The following COIL variants were observed in gnomAD, a reference collection of about 807,000 sequenced individuals.
COIL encodes the protein coilin p80.
Under a neutral mutation model 51.6 loss-of-function variants are expected in COIL, and 28 were observed. The observed-to-expected ratio is 0.54, with a 90% confidence interval of 0.40 to 0.74. COIL has a LOEUF of 0.74. COIL is among the 30% of genes least tolerant of loss of function. The probability of loss-of-function intolerance (pLI) is 0.00; values close to 1 mark genes in which losing one functional copy is unlikely to be tolerated. For synonymous variants in COIL, 233 were observed against 255.8 expected, an observed-to-expected ratio of 0.91 and a Z score of 0.85; for missense variants, 667 against 685.9, an observed-to-expected ratio of 0.97 and a Z score of 0.31.
chr17:56,943,540 A>G lies in COIL; in HGVS notation c.1559-1417T>C, dbSNP rs548539453. 4.6e-5 allele frequency among the ~76,000 whole-genome samples: 7 copies of G among 152,296 alleles called. 1 individual carries two copies. The South Asian group carries it at 8.3e-4, about 18-fold the overall frequency. ...GTGTTGTAAAATGTCATGCAGGTTTATAAGTGAGAGACAAGGAGGCACCAC... is the reference window on the plus strand; with the variant it reads ...GTGTTGTAAAATGTCATGCAGGTTTGTAAGTGAGAGACAAGGAGGCACCAC... On this transcript the variant is annotated intron_variant, in intron 5 of 6. Transcript: ENST00000240316.
intron 1 of COIL, chr17:56,952,326 A>G (rs1910388549): frequency 2.2e-6 from 1 of 458,522 alleles, no homozygotes; most frequent in Non-Finnish European, 4.2e-6. Context: ...CTGTACTGAC[A>G]ACCTCGGCTG....
At chr17:56,942,977 A>T (rs1910176343) in intron 5 of COIL, among the ~76,000 whole-genome samples, 1 of 152,240 alleles carries the variant, frequency 6.6e-6, no homozygotes, top group South Asian at 2.1e-4. Flanking sequence ...TAGGGAAATT[A>T]AAAAATAGTA....
intron 4 of COIL, among the ~76,000 whole-genome samples, chr17:56,948,329 C>A (rs929991689): frequency 1.3e-5 from 2 of 151,306 alleles, no homozygotes; most frequent in Non-Finnish European, 2.9e-5. Flanking sequence ...TTACTAGAGA[C>A]GGGGTTTCAC....
Position 56,950,059 on chromosome 17 carries a change from A to G in COIL, c.1183T>C (p.Trp395Arg), listed in dbSNP as rs147439821. 9 of 1,613,880 alleles carry G rather than the reference A, an allele frequency of 5.6e-6. No homozygotes were observed. The African/African-American group carries it at 1.2e-4, about 22-fold the overall frequency. Residue 395 changes from tryptophan (W) to arginine (R), a missense_variant, in exon 2 of 7, where the codon TGG (tryptophan) becomes CGG (arginine). By Grantham distance (101) the Trp-to-Arg change is moderately radical. Coordinates refer to ENST00000240316, the MANE Select transcript of COIL (RefSeq NM_004645.3). ...GAAAAAAGGTTCTCTTCTCTACCCC[A>G]TCCTCTTCCTAAACTAGCAGGGAGA... ...VSLPASLGRG[W>R]GREENLFSWK...
intron 5 of COIL, 23 bp downstream of exon 5, chr17:56,946,419 A>C (rs1305937428): frequency 6.6e-7 from 1 of 1,524,568 alleles, no homozygotes; most frequent in Admixed American, 1.7e-5. Context: ...CTACATTTTC[A>C]AATTATTTTC....
chr17:56,960,054 TACAA>T (rs1037099939), intron 1 of COIL, among the ~76,000 whole-genome samples: 20 of 151,768 alleles, frequency 1.3e-4, no homozygotes, highest in Admixed American at 8.5e-4. Flanking sequence ...CTACTAAAAA[TACAA>T]ACAAACAAAC....
intron 4 of COIL, among the ~76,000 whole-genome samples, chr17:56,947,333 T>G (rs1384462955): frequency 6.6e-6 from 1 of 152,190 alleles, no homozygotes; most frequent in African/African-American, 2.4e-5. Context: ...TAACTGCGTT[T>G]GAGGTCAAAG....
chr17:56,949,091 T>C (rs556660788), intron 4 of COIL, among the ~76,000 whole-genome samples: 110 of 152,194 alleles, frequency 7.2e-4, no homozygotes, highest in African/African-American at 2.5e-3. Context: ...CTGGGCAACA[T>C]AGCAAGATCC....
intron 1 of COIL, among the ~76,000 whole-genome samples, chr17:56,960,333 GA>G (rs1430351607): frequency 3.3e-5 from 5 of 149,924 alleles, no homozygotes; most frequent in African/African-American, 1.2e-4. Flanking sequence ...AGACCACCTT[GA>G]CCAATATGGT....
rs778972192 is a variant in COIL, at chr17:56,950,525, G to C, written c.717C>G (p.Cys239Trp). 6.2e-7 allele frequency: 1 copy of C among 1,614,200 alleles called. No individual in the cohort carries two copies. The highest frequency in any genetic ancestry group is 1.1e-5 in the South Asian group (1 of 91,082). The change falls in exon 2 of 7, where the codon TGC becomes TGG. Residue 239 changes from cysteine to tryptophan, a missense_variant. Cys to Trp is a radical substitution (Grantham distance 215). Coordinates refer to ENST00000240316, the MANE Select transcript of COIL (RefSeq NM_004645.3). ...AGGAGGAACTGGGACTCTCTTTTGA[G>C]CAAACGCTTACACTACCTTTCCTTT... Reference protein sequence around the residue: ...KAKRKGSVSVCSKESPSSSSE... With the variant: ...KAKRKGSVSVWSKESPSSSSE...
intron 1 of COIL, among the ~76,000 whole-genome samples, chr17:56,952,960 T>C (rs1359177571): frequency 6.6e-6 from 1 of 152,174 alleles, no homozygotes; most frequent in Non-Finnish European, 1.5e-5. Context: ...CTGTCCTCAA[T>C]GTTAAGCAAA....
intron 4 of COIL, among the ~76,000 whole-genome samples, chr17:56,947,428 G>A (rs950165220): frequency 6.6e-6 from 1 of 152,064 alleles, no homozygotes; most frequent in African/African-American, 2.4e-5. Flanking sequence ...AACTAAAGTA[G>A]GCAAAACACC....
At chr17:56,956,801 T>C (rs62072739) in intron 1 of COIL, among the ~76,000 whole-genome samples, 26,243 of 152,034 alleles carry the variant, frequency 0.17, 2,539 homozygotes, top group African/African-American at 0.25. Flanking sequence ...CACCATGTTG[T>C]CGAGGCTGGT....
chr17:56,959,824 A>G (rs1004265656), intron 1 of COIL, among the ~76,000 whole-genome samples: 2 of 152,216 alleles, frequency 1.3e-5, no homozygotes, highest in African/African-American at 2.4e-5. Flanking sequence ...GTGCTAAATC[A>G]AGGCTGAAAG....
chr17:56,953,721 T>C (rs1910427869), intron 1 of COIL, among the ~76,000 whole-genome samples: 1 of 152,178 alleles, frequency 6.6e-6, no homozygotes. Context: ...AGTAATCCTG[T>C]GGATTTACCT....
chr17:56,950,191 C>T lies in COIL; in HGVS notation c.1051G>A (p.Gly351Ser). 2 of 1,614,158 alleles carry T rather than the reference C, an allele frequency of 1.2e-6. No homozygotes were observed. The highest frequency in any genetic ancestry group is 1.7e-6 in the Non-Finnish European group (2 of 1,180,032). ...LKTVGLFAGR[G>S]RPGPGLSSQT... ...GATGACAGCCCTGGGCCTGGACGAC[C>T]TCTTCCTGCAAAAAGGCCTACTGTC... Residue 351 changes from glycine to serine, a missense_variant, in exon 2 of 7, where the codon GGT becomes AGT. Gly to Ser is a moderately conservative substitution (Grantham distance 56). Transcript: ENST00000240316.
chr17:56,950,753 CT>C lies in COIL; in HGVS notation c.488del (p.Lys163ArgfsTer46). 1.2e-5 allele frequency: 20 copies of C among 1,613,774 alleles called. No homozygotes were observed. The highest frequency in any genetic ancestry group is 1.7e-5 in the Non-Finnish European group (20 of 1,179,968). On this transcript the variant is annotated frameshift_variant, in exon 2 of 7. Coordinates refer to ENST00000240316, the MANE Select transcript of COIL (RefSeq NM_004645.3). LOFTEE classifies it high-confidence loss of function. ...VTDQTVSKKN[K>X]RKNKATCGTV... is the part of the protein sequence containing the mutation. ...TGCCACAGGTTGCTTTATTTTTTCT[CT>C]TGTTTTTTTTGCTGACAGTCTGATC...
intron 6 of COIL, among the ~76,000 whole-genome samples, 165 bp from the exon 7 acceptor site, chr17:56,939,319 G>A (rs765341125): frequency 1.1e-4 from 16 of 152,134 alleles, no homozygotes; most frequent in Non-Finnish European, 1.8e-4. Context: ...TTTAGGCCAG[G>A]CGCTGTGGCT....
chr17:56,943,632 C>A (rs1160265692), intron 5 of COIL, among the ~76,000 whole-genome samples: 3 of 152,198 alleles, frequency 2.0e-5, no homozygotes, highest in Admixed American at 2.0e-4. Context: ...CTGACGGACT[C>A]TGAAAGTACT....
Sources: gnomAD v4.1 joint callset for allele counts (sites outside exome capture counted in the v4.1 genomes callset) on GRCh38, gnomAD v4.1.1 for gene constraint, MANE v1.5 for transcripts, NCBI Gene and HGNC (gene_info 2026-07-23, HGNC 2026-07-21) for gene names.